Variants in NEBL observed in about 807,000 individuals in gnomAD.
NEBL encodes the protein nebulette, also known as LIM and SH3 protein 2.
In NEBL, 122 loss-of-function variants were observed where a neutral mutation model predicts 140.2. The ratio of observed to expected loss-of-function variants is 0.87; its 90% CI spans 0.75 to 1.01. The LOEUF is 1.01. Ranked by LOEUF, NEBL falls within the 50% of genes least tolerant of loss-of-function variation. The pLI, the probability that NEBL is intolerant of heterozygous loss-of-function variation, is 0.00. For missense variants in NEBL, 1,365 were observed against 1,231.3 expected (o/e 1.11, Z -1.62); for synonymous variants, 436 against 398.9 (o/e 1.09, Z -1.11).
chr10:20,897,319 C>T, upstream of NEBL: 1 of 1,500,528 alleles, frequency 6.7e-7, no homozygotes, highest in Non-Finnish European at 8.8e-7. Context: ...AATGCCCTTG[C>T]CCAAGCCTCA....
chr10:20,837,397 C>A (rs1480194150), intron 13 of NEBL, among the ~76,000 whole-genome samples: 1 of 152,170 alleles, frequency 6.6e-6, no homozygotes, highest in Non-Finnish European at 1.5e-5. Context: ...TAATCCAGAA[C>A]AAGGCCCTAA....
chr10:21,204,935 T>C (rs1841802698), intron 3 of NEBL, among the ~76,000 whole-genome samples: 1 of 152,200 alleles, frequency 6.6e-6, no homozygotes, highest in Non-Finnish European at 1.5e-5. Flanking sequence ...ATCATTTTCA[T>C]CCCTTTTCCT....
At chr10:21,226,656 C>T (rs960125583) in intron 3 of NEBL, among the ~76,000 whole-genome samples, 12 of 152,202 alleles carry the variant, frequency 7.9e-5, no homozygotes, top group African/African-American at 2.9e-4. Flanking sequence ...CAGGGCAGCA[C>T]TGAGTTCCAA....
chr10:20,832,068 C>T (rs1321256981), intron 14 of NEBL, among the ~76,000 whole-genome samples: 1 of 152,100 alleles, frequency 6.6e-6, no homozygotes, highest in Non-Finnish European at 1.5e-5. Flanking sequence ...GTGAGACTGG[C>T]TCAAATCTCT....
At chr10:21,008,333 A>C (rs1404342940) in intron 3 of NEBL, among the ~76,000 whole-genome samples, 2 of 152,204 alleles carry the variant, frequency 1.3e-5, no homozygotes, top group African/African-American at 4.8e-5. Flanking sequence ...ATTTCGAGAA[A>C]GAGAGAGACC....
intron 3 of NEBL, among the ~76,000 whole-genome samples, chr10:20,977,908 A>G (rs1361032358): frequency 1.3e-5 from 2 of 152,226 alleles, no homozygotes; most frequent in African/African-American, 2.4e-5. Context: ...GTTCCTGCTC[A>G]TCTCTAGGAT....
At chr10:21,198,437 A>C (rs552922733) in intron 3 of NEBL, among the ~76,000 whole-genome samples, 3 of 152,266 alleles carry the variant, frequency 2.0e-5, no homozygotes, top group African/African-American at 7.2e-5. Flanking sequence ...TGCACACAGC[A>C]TCCTGCTGAA....
At chr10:20,790,611 A>C (rs1835871857) in intron 26 of NEBL, among the ~76,000 whole-genome samples, 1 of 151,694 alleles carries the variant, frequency 6.6e-6, no homozygotes. Flanking sequence ...AAAAAAAAAA[A>C]AACAAAACAA....
intron 3 of NEBL, among the ~76,000 whole-genome samples, chr10:21,190,536 T>G (rs181789529): frequency 1.2e-4 from 19 of 152,226 alleles, no homozygotes; most frequent in Admixed American, 1.1e-3. Context: ...CTCTGAGTAG[T>G]TAATAAGAAC....
At chr10:21,222,691 T>C (rs1042384481) in intron 3 of NEBL, among the ~76,000 whole-genome samples, 3 of 151,558 alleles carry the variant, frequency 2.0e-5, no homozygotes, top group Non-Finnish European at 4.4e-5. Flanking sequence ...TCACATGGGG[T>C]AAATGGAATA....
intron 17 of NEBL, 28 bp from the exon 18 acceptor site, chr10:20,826,567 A>G: frequency 6.5e-7 from 1 of 1,535,474 alleles, no homozygotes; most frequent in Non-Finnish European, 9.0e-7. Flanking sequence ...GAAAAGAATA[A>G]CTAAGCTTGT....
At chr10:20,986,819 ATACTC>A (rs1837274698) in intron 3 of NEBL, among the ~76,000 whole-genome samples, 1 of 152,230 alleles carries the variant, frequency 6.6e-6, no homozygotes, top group South Asian at 2.1e-4. Context: ...ATAGAAAAAC[ATACTC>A]TCTCCAAATA....
intron 3 of NEBL, among the ~76,000 whole-genome samples, chr10:21,015,131 C>T (rs1401667265): frequency 6.6e-6 from 1 of 152,126 alleles, no homozygotes; most frequent in South Asian, 2.1e-4. Flanking sequence ...ACTAAGTGGG[C>T]AGTAGCTATT....
intron 2 of NEBL, among the ~76,000 whole-genome samples, chr10:21,156,019 T>C (rs925219982): frequency 1.3e-5 from 2 of 152,086 alleles, no homozygotes; most frequent in Non-Finnish European, 2.9e-5. Flanking sequence ...CCAGACCCCA[T>C]ATTTCAAAAC....
chr10:20,862,132 G>A (rs925159928), intron 7 of NEBL, among the ~76,000 whole-genome samples: 3 of 152,120 alleles, frequency 2.0e-5, no homozygotes, highest in East Asian at 3.8e-4. Context: ...TCACTTCCAC[G>A]CCATGGTAAG....
intron 2 of NEBL, among the ~76,000 whole-genome samples, chr10:21,073,952 G>A (rs1436422073): frequency 2.0e-5 from 3 of 152,026 alleles, no homozygotes; most frequent in African/African-American, 7.2e-5. Context: ...GCGGGTGCCT[G>A]TAGTCCCAGC....
intron 22 of NEBL, among the ~76,000 whole-genome samples, chr10:20,814,617 T>TACACATACACACACAC (rs554481481): frequency 2.7e-5 from 4 of 146,418 alleles, no homozygotes; most frequent in African/African-American, 1.0e-4. Context: ...CATACACACA[T>TACACATACACACACAC]ACACACACAC....
At chr10:21,207,876 T>C (rs1313444721) in intron 3 of NEBL, among the ~76,000 whole-genome samples, 1 of 152,150 alleles carries the variant, frequency 6.6e-6, no homozygotes, top group Non-Finnish European at 1.5e-5. Flanking sequence ...GATTCTTAAC[T>C]TGGAACGTAG....
intron 2 of NEBL, among the ~76,000 whole-genome samples, chr10:21,036,387 G>A (rs937392650): frequency 3.9e-5 from 6 of 152,130 alleles, no homozygotes; most frequent in African/African-American, 9.6e-5. Context: ...CTGGGAGGTC[G>A]AGCCTGCAGT....
Sources: gnomAD v4.1 joint callset for allele counts (sites outside exome capture counted in the v4.1 genomes callset) on GRCh38, gnomAD v4.1.1 for gene constraint, MANE v1.5 for transcripts, NCBI Gene and HGNC (gene_info 2026-07-23, HGNC 2026-07-21) for gene names.